FBXW9: variants seen among roughly 807,000 people sequenced by gnomAD.
FBXW9 encodes the protein F-box/WD repeat-containing protein 9.
Under a neutral mutation model 55.8 loss-of-function variants are expected in FBXW9, and 38 were observed. The ratio of observed to expected loss-of-function variants is 0.68; its 90% confidence interval spans 0.53 to 0.89. FBXW9 has a LOEUF of 0.89. Among genes scored for constraint, FBXW9 ranks in the 40% least tolerant of loss-of-function variants. FBXW9 has a pLI of 0.00. For missense variants in FBXW9, 590 were observed against 619.4 expected, an observed-to-expected ratio of 0.95 and a Z score of 0.50; for synonymous variants, 289 against 278.2, an observed-to-expected ratio of 1.04 and a Z score of -0.38.
At position 12,692,151 on chromosome 19, in the gene FBXW9, C is replaced by G. The variant is rs375004824; in HGVS notation, c.679-697G>C. On this transcript the variant is annotated intron_variant, in intron 3 of 9. Transcript: ENST00000393261. ...CATGGCTTATTGCAGCCTCCACATC[C>G]CAGGCTCAAGCAATCCTTGTACCAC... 1.8e-4 allele frequency among the ~76,000 whole-genome samples: 27 copies of G among 152,056 alleles called. 1 individual carries two copies. The South Asian group carries it at 4.8e-3, about 27-fold the overall frequency.
Position 12,688,977 on chromosome 19 carries a change from A to G in FBXW9, c.*239T>C. Reference sequence around the variant, plus strand: ...CTCTCAACTGAGAGCGGGGCATCCAAATCATAACAAAACCAGGGCCCAAGA... The same window carrying G: ...CTCTCAACTGAGAGCGGGGCATCCAGATCATAACAAAACCAGGGCCCAAGA... On this transcript the variant is annotated 3_prime_UTR_variant, in exon 10 of 10. Coordinates refer to ENST00000393261, the MANE Select transcript of FBXW9 (RefSeq NM_032301.3). 1.5e-6 allele frequency: 1 copy of G among 684,424 alleles called. No homozygotes were observed. Among genetic ancestry groups the G allele is most frequent in the Non-Finnish European group, 2.7e-6 (1 of 373,166 alleles). The allele number at this position is 684,424 out of a possible 1,614,324, so 42.4% of individuals were successfully genotyped here.
intron 3 of FBXW9, among the ~76,000 whole-genome samples, chr19:12,693,523 AAAAAAAATATATAT>A (rs1393448915): frequency 3.2e-5 from 1 of 30,778 alleles, no homozygotes; most frequent in South Asian, 1.0e-3. Flanking sequence ...AAAAAAAAAA[AAAAAAAATATATAT>A]ATATATATAT....
chr19:12,693,561 T>TACACACACACACAC (rs1169069518), intron 3 of FBXW9, among the ~76,000 whole-genome samples: 1 of 10,268 alleles, frequency 9.7e-5, no homozygotes, highest in African/African-American at 4.6e-4. Flanking sequence ...TATATATATA[T>TACACACACACACAC]ACACACACAC....
At position 12,696,438 on chromosome 19, in the gene FBXW9, C is replaced by G. The variant is rs1187138678; in HGVS notation, c.144G>C (p.Ser48=). 1.2e-6 allele frequency: 2 copies of G among 1,612,274 alleles called. No individual in the cohort carries two copies. The highest frequency in any genetic ancestry group is 1.6e-4 in the Middle Eastern group (1 of 6,062). The part of the protein sequence containing the change: ...LSPPKSGLAF[S]RPSQLSTPAA... ...CGGGTGTGGATAGCTGCGAGGGGCGCGAGAACGCCAGCCCGGATTTTGGCG... is the reference window on the plus strand; with the variant it reads ...CGGGTGTGGATAGCTGCGAGGGGCGGGAGAACGCCAGCCCGGATTTTGGCG... The change falls in exon 1 of 10, where the codon TCG becomes TCC. Residue 48 remains serine (S), a synonymous_variant. Coordinates refer to ENST00000393261, the MANE Select transcript of FBXW9 (RefSeq NM_032301.3).
At chr19:12,694,759 C>G (rs953503119) in intron 2 of FBXW9, 37 bp from the exon 3 acceptor site, 23 of 1,613,696 alleles carry the variant, frequency 1.4e-5, no homozygotes, top group Non-Finnish European at 1.9e-5. Flanking sequence ...CAGGGCCACC[C>G]TGGCCCACCC....
rs755563872 is a variant in FBXW9 at position 12,689,243 on chromosome 19, C to T, written c.1350G>A (p.Ser450=). The part of the protein sequence containing the change: ...NLVVAGSGDL[S]LEVWRLQA ...AGGCCTGCAGCCTCCAGACCTCTAG[C>T]GACAGGTCTCCAGAGCCGGCCACCA... The change falls in exon 10 of 10, where the codon TCG becomes TCA. Residue 450 remains serine (S), a synonymous_variant. Coordinates refer to ENST00000393261, the MANE Select transcript of FBXW9 (RefSeq NM_032301.3). The surrounding 1 kb of genome is among the most constrained non-coding windows in gnomAD (Gnocchi z 5.9). 7.4e-6 allele frequency: 12 copies of T among 1,613,758 alleles called. No individual in the cohort carries two copies. In the African/African-American group the frequency reaches 9.3e-5, roughly 13 times the overall value.
chr19:12,694,962 G>A (rs761882346), intron 1 of FBXW9, 24 bp from the exon 2 acceptor site: 4 of 1,605,640 alleles, frequency 2.5e-6, no homozygotes, highest in Admixed American at 1.7e-5. Context: ...CGAGTAGGGT[G>A]CCCAGTGGGC....
chr19:12,689,074 G>T lies in FBXW9; in HGVS notation c.*142C>A, dbSNP rs1599392432. 1 of 772,216 alleles carries T rather than the reference G, an allele frequency of 1.3e-6. No individual in the cohort carries two copies. Among genetic ancestry groups the T allele is most frequent in the Non-Finnish European group, 2.3e-6 (1 of 442,626 alleles). The allele number at this position is 772,216 out of a possible 1,614,324, so 47.8% of individuals were successfully genotyped here. A position where few individuals can be genotyped will look rare whatever the true frequency, so the allele number is the denominator to read the frequency against. On this transcript the variant is annotated 3_prime_UTR_variant, in exon 10 of 10. Coordinates refer to ENST00000393261, the MANE Select transcript of FBXW9 (RefSeq NM_032301.3). This position sits in a 1 kb window ranked among gnomAD's most constrained non-coding sequence, Gnocchi z 5.9. ...CCCCCGGGCATAGGGCCCAGGCCAGGACGCTCACCCGAATGTGGCTGGGAC... is the reference window on the plus strand; with the variant it reads ...CCCCCGGGCATAGGGCCCAGGCCAGTACGCTCACCCGAATGTGGCTGGGAC...
chr19:12,693,519 AAAAAAAAAAAATATAT>A (rs1318227223), intron 3 of FBXW9, among the ~76,000 whole-genome samples: 2 of 32,992 alleles, frequency 6.1e-5, no homozygotes, highest in African/African-American at 2.3e-4. Flanking sequence ...AAAAAAAAAA[AAAAAAAAAAAATATAT>A]ATATATATAT....
In FBXW9 at chr19:12,694,872, T is replaced by C. The variant is rs761863856; in HGVS notation, c.476A>G (p.Asp159Gly). The C allele has an allele frequency of 1.2e-6, 2 of 1,614,100 alleles. No homozygotes were observed. The highest frequency in any genetic ancestry group is 2.2e-5 in the East Asian group (1 of 44,872). Reference protein sequence around the residue: ...LEQHLSRWAEDGRWVEYFCLA... With the variant: ...LEQHLSRWAEGGRWVEYFCLA... ...GCAGAAGTATTCGACCCAGCGCCCATCCTCTGCCCAGCGGGACAGGTGCTG... is the reference window on the plus strand; with the variant it reads ...GCAGAAGTATTCGACCCAGCGCCCACCCTCTGCCCAGCGGGACAGGTGCTG... The change falls in exon 2 of 10, where the codon GAT becomes GGT. Residue 159 changes from aspartate (D) to glycine (G), a missense_variant. Coordinates refer to ENST00000393261, the MANE Select transcript of FBXW9 (RefSeq NM_032301.3).
rs1194945184 is a variant in FBXW9 at position 12,696,602 on chromosome 19, C to G, written c.-21G>C. On this transcript the variant is annotated 5_prime_UTR_variant, in exon 1 of 10. Transcript: ENST00000393261. ...TCCATTGCGACCGGGTGGGCGCTGC[C>G]GGCCTCGCGTCTTGTCTCCTAGGCA... 1.2e-6 allele frequency: 2 copies of G among 1,601,204 alleles called. No individual in the cohort carries two copies. The highest frequency in any genetic ancestry group is 1.7e-6 in the Non-Finnish European group (2 of 1,178,818).
chr19:12,691,187 CCTT>C lies in FBXW9; in HGVS notation c.859_861del (p.Lys287del), dbSNP rs760260099. 6.2e-7 allele frequency: 1 copy of C among 1,614,178 alleles called. No individual in the cohort carries two copies. The highest frequency in any genetic ancestry group is 8.5e-7 in the Non-Finnish European group (1 of 1,180,030). On this transcript the variant is annotated inframe_deletion, in exon 5 of 10. Transcript: ENST00000393261. ...CCACCTCTGGGGTCGTAGATGGTCA[CCTT>C]CTTGTCATAGGTGCCAGTCACCAGG...
In FBXW9 at chr19:12,696,294, G is replaced by C; in HGVS notation, c.288C>G (p.Ala96=). Residue 96 remains alanine (A), a synonymous_variant, in exon 1 of 10, where the codon GCC becomes GCG. Coordinates refer to ENST00000393261, the MANE Select transcript of FBXW9 (RefSeq NM_032301.3). ...LLLEICSYLD[A]RLVLHVLSRV... Reference sequence around the variant, plus strand: ...GCGACAGGACGTGGAGCACGAGGCGGGCGTCCAGGTAGGAGCAGATCTCGA... The same window carrying C: ...GCGACAGGACGTGGAGCACGAGGCGCGCGTCCAGGTAGGAGCAGATCTCGA... 1 of 1,577,426 alleles carries C rather than the reference G, an allele frequency of 6.3e-7. No individual in the cohort carries two copies. Among genetic ancestry groups the C allele is most frequent in the Non-Finnish European group, 8.6e-7 (1 of 1,162,200 alleles).
chr19:12,691,289 G>C, intron 4 of FBXW9, 32 bp from the exon 5 acceptor site: 1 of 1,613,822 alleles, frequency 6.2e-7, no homozygotes, highest in Non-Finnish European at 8.5e-7. Context: ...GGCTTTGGCT[G>C]TGGCCAGACA....
chr19:12,693,561 TACACACACACACAC>T lies in FBXW9; in HGVS notation c.678+1019_678+1032del, dbSNP rs1169069518. Among the ~76,000 whole-genome samples the T allele has an allele frequency of 2.2e-3, 23 of 10,266 alleles. 1 individual carries two copies. The highest frequency in any genetic ancestry group is 6.4e-3 in the African/African-American group (14 of 2,184). The allele number at this position is 10,266 out of a possible 152,430, so 6.7% of individuals were successfully genotyped here. A position where few individuals can be genotyped will look rare whatever the true frequency, so the allele number is the denominator to read the frequency against. The stretch of plus-strand genomic sequence containing the variant: ...ATATATATATATATATATATATATA[TACACACACACACAC>T]ACACACACACACACACACACACACA... On this transcript the variant is annotated intron_variant, in intron 3 of 9. Transcript: ENST00000393261.
In FBXW9 at chr19:12,696,350, C is replaced by T; in HGVS notation, c.232G>A (p.Gly78Ser). The T allele has an allele frequency of 6.2e-7, 1 of 1,602,970 alleles. No individual in the cohort carries two copies. The highest frequency in any genetic ancestry group is 1.1e-5 in the South Asian group (1 of 90,034). The part of the protein sequence containing the change: ...ASRVSAVSEP[G>S]LLSLPPELLL... ...AGCTCCGGGGGAAGGCTCAGAAGGC[C>T]CGGCTCACTTACGGCCGAAACCCTG... Residue 78 changes from glycine to serine, a missense_variant, in exon 1 of 10, where the codon GGC (glycine) becomes AGC (serine). Physicochemically the swap from Gly to Ser is moderately conservative, Grantham distance 56 (BLOSUM62 0). Coordinates refer to ENST00000393261, the MANE Select transcript of FBXW9 (RefSeq NM_032301.3).
rs777503707 is a variant in FBXW9 at position 12,696,614 on chromosome 19, T to G, written c.-33A>C. ...GGGTGGGCGCTGCCGGCCTCGCGTC[T>G]TGTCTCCTAGGCAGCACGAGGGCAC... On this transcript the variant is annotated 5_prime_UTR_variant, in exon 1 of 10. Transcript: ENST00000393261. The G allele has an allele frequency of 4.9e-5, 78 of 1,598,834 alleles. 1 individual carries two copies. The highest frequency in any genetic ancestry group is 6.4e-5 in the Non-Finnish European group (75 of 1,178,666).
At position 12,690,108 on chromosome 19, in the gene FBXW9, C is replaced by T. The variant is rs372031100; in HGVS notation, c.886G>A (p.Gly296Ser). Residue 296 changes from glycine to serine, a missense_variant and splice_region_variant, in exon 6 of 10, where the codon GGC becomes AGC. Coordinates refer to ENST00000393261, the MANE Select transcript of FBXW9 (RefSeq NM_032301.3). ...TGCTGGTGCTTCAACAGGGCTGGGC[C>T]GGCTTCATGGGTGATGGGCCGGTGA... The part of the protein sequence containing the change: ...KKVTIYDPRA[G>S]PALLKHQQLH... The T allele has an allele frequency of 3.7e-6, 6 of 1,613,592 alleles. No homozygotes were observed. The highest frequency in any genetic ancestry group is 1.7e-5 in the Admixed American group (1 of 59,996).
chr19:12,695,861 G>A (rs963297483), intron 1 of FBXW9, among the ~76,000 whole-genome samples: 7 of 152,284 alleles, frequency 4.6e-5, no homozygotes, highest in East Asian at 1.9e-4. Flanking sequence ...CCAATCAGGG[G>A]TCAGTGGCTT....
Sources: allele counts gnomAD v4.1 joint callset (sites outside exome capture counted in the v4.1 genomes callset), GRCh38; gene constraint gnomAD v4.1.1; non-coding constraint Gnocchi (gnomAD v3.1); transcripts MANE v1.5; gene names NCBI Gene and HGNC (gene_info 2026-07-23, HGNC 2026-07-21).